The following TYW1B variants were observed in gnomAD, a reference collection of about 807,000 sequenced individuals.
The protein encoded by TYW1B is tRNA-yW synthesizing protein 1 homolog B, also known as S-adenosyl-L-methionine-dependent tRNA 4-demethylwyosine synthase TYW1B.
TYW1B carries 73 observed loss-of-function variants against 86.9 expected under a neutral mutation model. That is an observed-to-expected ratio of 0.84 (90% confidence interval 0.70 to 1.02). The LOEUF (loss-of-function observed/expected upper bound fraction) is 1.02. TYW1B is among the 50% of genes least tolerant of loss of function. The pLI, the probability that TYW1B is intolerant of heterozygous loss-of-function variation, is 0.00. For missense variants in TYW1B, 637 were observed against 827.4 expected, an observed-to-expected ratio of 0.77 and a Z score of 2.82; for synonymous variants, 248 against 292.8, an observed-to-expected ratio of 0.85 and a Z score of 1.56.
At chr7:72,764,540 C>T (rs1310595219) in intron 7 of TYW1B, among the ~76,000 whole-genome samples, 9 of 152,292 alleles carry the variant, frequency 5.9e-5, no homozygotes, top group East Asian at 1.9e-4. Flanking sequence ...CTCGGCCTCC[C>T]GAAGTGCTGG....
intron 13 of TYW1B, among the ~76,000 whole-genome samples, chr7:72,587,332 T>TG: frequency 6.6e-6 from 1 of 152,220 alleles, no homozygotes; most frequent in African/African-American, 2.4e-5. Context: ...GGAACTGCAA[T>TG]GGAGAAAGAG....
intron 11 of TYW1B, among the ~76,000 whole-genome samples, chr7:72,631,973 G>T (rs1554439840): frequency 1.3e-5 from 2 of 151,990 alleles, no homozygotes; most frequent in Non-Finnish European, 2.9e-5. Context: ...AAATTCAAGA[G>T]AAAGCATATT....
At chr7:72,783,053 A>G (rs1788074141) in intron 6 of TYW1B, among the ~76,000 whole-genome samples, 1 of 152,186 alleles carries the variant, frequency 6.6e-6, no homozygotes, top group Admixed American at 6.5e-5. Flanking sequence ...AGACCCAGAC[A>G]TTTAGACCAC....
At chr7:72,732,347 A>G (rs1383155472) in intron 8 of TYW1B, among the ~76,000 whole-genome samples, 1 of 152,232 alleles carries the variant, frequency 6.6e-6, no homozygotes, top group Non-Finnish European at 1.5e-5. Flanking sequence ...TTATCCATAC[A>G]TAAAATATTC....
chr7:72,591,252 C>G (rs1811388204), intron 13 of TYW1B, among the ~76,000 whole-genome samples: 1 of 151,796 alleles, frequency 6.6e-6, no homozygotes, highest in African/African-American at 2.4e-5. Flanking sequence ...AGGAGAGAGA[C>G]AGAAGACGAC....
chr7:72,662,416 AATATATATATAT>A (rs1218605719), intron 11 of TYW1B, among the ~76,000 whole-genome samples: 13 of 137,836 alleles, frequency 9.4e-5, no homozygotes, highest in South Asian at 5.0e-4. Flanking sequence ...TCAGGTTTTT[AATATATATATAT>A]AGATAGATAG....
intron 10 of TYW1B, among the ~76,000 whole-genome samples, chr7:72,710,611 AGGTCAGGAGTTTGAAACCAG>A (rs1786634919): frequency 6.6e-6 from 1 of 152,136 alleles, no homozygotes; most frequent in South Asian, 2.1e-4. Context: ...GTATCACTTG[AGGTCAGGAGTTTGAAACCAG>A]CCTAACCAAC....
chr7:72,739,012 T>G (rs1207321387), intron 8 of TYW1B, among the ~76,000 whole-genome samples: 1 of 151,976 alleles, frequency 6.6e-6, no homozygotes, highest in Non-Finnish European at 1.5e-5. Flanking sequence ...CGTGAGCCCA[T>G]GGGTTCAAGG....
At chr7:72,757,299 C>T (rs1263191649) in intron 7 of TYW1B, among the ~76,000 whole-genome samples, 5 of 145,652 alleles carry the variant, frequency 3.4e-5, no homozygotes, top group African/African-American at 7.6e-5. Context: ...ACCTGGGAGG[C>T]GGAGGTTGCA....
chr7:72,652,621 G>T (rs146483118), intron 11 of TYW1B, among the ~76,000 whole-genome samples: 1 of 151,158 alleles, frequency 6.6e-6, no homozygotes, highest in Non-Finnish European at 1.5e-5. Context: ...AGTTATACTG[G>T]TGAGTTGAAC....
chr7:72,645,495 T>TTCATCA (rs1389021955), intron 11 of TYW1B, among the ~76,000 whole-genome samples: 1 of 152,158 alleles, frequency 6.6e-6, no homozygotes, highest in Admixed American at 6.5e-5. Flanking sequence ...AGAAAGGTTA[T>TTCATCA]TAGTGCAATT....
At chr7:72,735,158 C>T (rs1787176255) in intron 8 of TYW1B, among the ~76,000 whole-genome samples, 1 of 152,196 alleles carries the variant, frequency 6.6e-6, no homozygotes, top group Admixed American at 6.5e-5. Context: ...CATTCTCATG[C>T]TTATTGCAGC....
chr7:72,822,695 C>A (rs115839517), intron 2 of TYW1B, among the ~76,000 whole-genome samples: 1,878 of 152,250 alleles, frequency 0.012, 34 homozygotes, highest in African/African-American at 0.043. Context: ...ACCTGTAATC[C>A]TATCCTGTAA....
intron 9 of TYW1B, among the ~76,000 whole-genome samples, chr7:72,726,924 G>A (rs1191663302): frequency 6.6e-6 from 1 of 152,116 alleles, no homozygotes; most frequent in African/African-American, 2.4e-5. Context: ...AAGGCAGCAG[G>A]AAGGAGAAGT....
At chr7:72,692,088 C>T (rs1554450392) in intron 11 of TYW1B, among the ~76,000 whole-genome samples, 3 of 151,074 alleles carry the variant, frequency 2.0e-5, no homozygotes, top group Non-Finnish European at 4.4e-5. Context: ...CACCTGTAAT[C>T]CTAGCTACTG....
intron 9 of TYW1B, among the ~76,000 whole-genome samples, chr7:72,721,733 C>T (rs1375899055): frequency 2.0e-5 from 3 of 152,086 alleles, no homozygotes; most frequent in Non-Finnish European, 2.9e-5. Flanking sequence ...CTAAACTCTG[C>T]TTTGTTATTC....
chr7:72,749,228 C>T (rs1787445961), intron 7 of TYW1B, among the ~76,000 whole-genome samples: 1 of 152,158 alleles, frequency 6.6e-6, no homozygotes, highest in Non-Finnish European at 1.5e-5. Flanking sequence ...TTGCAGCACT[C>T]CCTTATCATC....
At chr7:72,588,473 T>C (rs1411962083) in intron 13 of TYW1B, among the ~76,000 whole-genome samples, 1 of 152,212 alleles carries the variant, frequency 6.6e-6, no homozygotes, top group Non-Finnish European at 1.5e-5. Flanking sequence ...CACAAGTCCC[T>C]TCTTATTCCA....
chr7:72,648,180 G>A (rs1308866349), intron 11 of TYW1B, among the ~76,000 whole-genome samples: 2 of 152,132 alleles, frequency 1.3e-5, no homozygotes, highest in Non-Finnish European at 2.9e-5. Context: ...TACTTAAGAT[G>A]AGATTGATTG....
Sources: gnomAD v4.1 joint callset for allele counts (sites outside exome capture counted in the v4.1 genomes callset) on GRCh38, gnomAD v4.1.1 for gene constraint, MANE v1.5 for transcripts, NCBI Gene and HGNC (gene_info 2026-07-23, HGNC 2026-07-21) for gene names.